RUNX3: variants seen among roughly 807,000 people sequenced by gnomAD.
RUNX3 encodes runt-related transcription factor 3.
RUNX3 carries 10 observed loss-of-function variants against 27.7 expected under a neutral mutation model. The ratio of observed to expected loss-of-function variants is 0.36; its 90% CI spans 0.22 to 0.61. The LOEUF (loss-of-function observed/expected upper bound fraction) is 0.61. Ranked by LOEUF, RUNX3 falls within the 20% of genes least tolerant of loss-of-function variation. The pLI, the probability that RUNX3 is intolerant of heterozygous loss-of-function variation, is 0.72. For synonymous variants in RUNX3, 270 were observed against 269.2 expected (o/e 1.00, Z -0.03); for missense variants, 469 against 629.5 (o/e 0.75, Z 2.73).
At chr1:24,929,269 G>A (rs1388247930) in intron 1 of RUNX3, 3 of 603,552 alleles carry the variant, frequency 5.0e-6, no homozygotes, top group African/African-American at 1.8e-5. Flanking sequence ...TTACCCGCAG[G>A]GCTGTATCTG....
At chr1:24,953,401 TG>T (rs1641826649) in intron 2 of RUNX3, among the ~76,000 whole-genome samples, 7 of 64,302 alleles carry the variant, frequency 1.1e-4, no homozygotes, top group South Asian at 4.7e-4. Context: ...AAAAGAAAAA[TG>T]AAAAAAAAAA....
chr1:24,949,793 G>A (rs182852479), intron 2 of RUNX3, among the ~76,000 whole-genome samples: 123 of 152,384 alleles, frequency 8.1e-4, no homozygotes, highest in East Asian at 1.2e-3. Flanking sequence ...TCTCTGGAGC[G>A]GGGGTTTGGC....
At chr1:24,944,741 G>C (rs1557855112) in intron 2 of RUNX3, among the ~76,000 whole-genome samples, 1 of 152,184 alleles carries the variant, frequency 6.6e-6, no homozygotes, top group Non-Finnish European at 1.5e-5. Context: ...TGGAGGAAGG[G>C]GCTATGAGCC....
intron 2 of RUNX3, among the ~76,000 whole-genome samples, chr1:24,921,300 G>C (rs147321773): frequency 2.0e-5 from 3 of 152,274 alleles, no homozygotes; most frequent in Non-Finnish European, 4.4e-5. Context: ...GGAGAATCCG[G>C]AACAAAATTA....
In RUNX3 at chr1:24,921,545, A is replaced by G. The variant is rs544762815; in HGVS notation, c.440-2201T>C. Among the ~76,000 whole-genome samples, 271 of 152,332 alleles carry G rather than the reference A, an allele frequency of 1.8e-3. 2 individuals are homozygous for G. The highest frequency in any genetic ancestry group is 6.4e-3 in the African/African-American group (266 of 41,584). On this transcript the variant is annotated intron_variant, in intron 2 of 4. Transcript: ENST00000308873. ...CTCCCACTCTCAGGTCACAGGGGCC[A>G]CTTTGTATGATTTCTGGAAGCAGAA...
Position 24,902,094 on chromosome 1 carries a change from C to T in RUNX3, c.*28G>A. On this transcript the variant is annotated 3_prime_UTR_variant, in exon 5 of 5. Transcript: ENST00000308873. The surrounding 1 kb of genome is among the most constrained non-coding windows in gnomAD (Gnocchi z 9.2). ...TCTTGAAGGTTGTTAGGGTCCCCGC[C>T]TCCAGCGGGAGGAGTCCACCAGGGC... 6.7e-7 allele frequency: 1 copy of T among 1,491,658 alleles called. No individual in the cohort carries two copies. Among genetic ancestry groups the T allele is most frequent in the Non-Finnish European group, 8.9e-7 (1 of 1,119,044 alleles). 92.4% of individuals were successfully genotyped at this position (1,491,658 alleles called of 1,614,324 possible).
intron 3 of RUNX3, among the ~76,000 whole-genome samples, chr1:24,910,879 G>T (rs947290984): frequency 6.6e-6 from 1 of 152,234 alleles, no homozygotes; most frequent in Non-Finnish European, 1.5e-5. Context: ...AGCTGGGGCT[G>T]CAAACTCAGA....
chr1:24,930,986 A>G (rs1024677643), upstream of RUNX3, among the ~76,000 whole-genome samples: 2 of 151,950 alleles, frequency 1.3e-5, no homozygotes, highest in Admixed American at 6.5e-5. The surrounding 1 kb of genome is among the most constrained non-coding windows in gnomAD (Gnocchi z 4.1). Context: ...CCCTCAAAAC[A>G]AGTTTCAGGA....
chr1:24,919,169 C>T, intron 3 of RUNX3, 71 bp downstream of exon 3: 2 of 937,872 alleles, frequency 2.1e-6, no homozygotes, highest in Non-Finnish European at 3.3e-6. Context: ...TCTGTCTGAC[C>T]TAGCTGCTGT....
At position 24,904,563 on chromosome 1, in the gene RUNX3, G is replaced by A. The variant is rs1012015299; in HGVS notation, c.704-1897C>T. Among the ~76,000 whole-genome samples the A allele has an allele frequency of 6.6e-6, 1 of 152,196 alleles. No homozygotes were observed. The highest frequency in any genetic ancestry group is 2.4e-5 in the African/African-American group (1 of 41,442). ...CTCGGGGGGAGAGGTCCTGTTGCAG[G>A]TGCTGGGCACGTCAGCACAGCTGAG... On this transcript the variant is annotated intron_variant, in intron 4 of 4. Transcript: ENST00000308873. The surrounding 1 kb of genome is among the most constrained non-coding windows in gnomAD (Gnocchi z 5.7).
Position 24,916,457 on chromosome 1 carries a change from C to A in RUNX3, c.544+2783G>T, listed in dbSNP as rs1640891330. ...TTGGGCAAAAGGTTTTGCGCCCTGG[C>A]CTCTATCCTCTCCTGGGGTTGCCCA... On this transcript the variant is annotated intron_variant, in intron 3 of 4. Transcript: ENST00000308873. This position sits in a 1 kb window ranked among gnomAD's most constrained non-coding sequence, Gnocchi z 4.8. Among the ~76,000 whole-genome samples, 2 of 152,190 alleles carry A rather than the reference C, an allele frequency of 1.3e-5. No homozygotes were observed. Among genetic ancestry groups the A allele is most frequent in the Admixed American group, 1.3e-4 (2 of 15,280 alleles).
At position 24,919,209 on chromosome 1, in the gene RUNX3, G is replaced by A. The variant is rs185077781; in HGVS notation, c.544+31C>T. The A allele has an allele frequency of 1.2e-4, 175 of 1,414,130 alleles. No individual in the cohort carries two copies. In the Middle Eastern group the frequency reaches 1.6e-3, roughly 13 times the overall value. The allele number at this position is 1,414,130 out of a possible 1,614,324, so 87.6% of individuals were successfully genotyped here. A position where few individuals can be genotyped will look rare whatever the true frequency, so the allele number is the denominator to read the frequency against. ...CCCGCACTGGACCCTCCTCCCCCGC[G>A]CAGGGGCTCAGGGGGCTCGGTGGCA... On this transcript the variant is annotated intron_variant, in intron 3 of 4. Transcript: ENST00000308873.
At chr1:24,950,558 G>C (rs189363208) in intron 2 of RUNX3, among the ~76,000 whole-genome samples, 2 of 152,308 alleles carry the variant, frequency 1.3e-5, no homozygotes, top group East Asian at 1.9e-4. Context: ...CACAGGAGGT[G>C]GGGGGGCCAG....
At chr1:24,937,033 G>T in intron 2 of RUNX3, among the ~76,000 whole-genome samples, 1 of 152,236 alleles carries the variant, frequency 6.6e-6, no homozygotes, top group East Asian at 1.9e-4. Flanking sequence ...ACGGAGGTGG[G>T]CAACAGTCGG....
intron 2 of RUNX3, among the ~76,000 whole-genome samples, chr1:24,940,334 G>A (rs1341600578): frequency 1.3e-5 from 2 of 152,174 alleles, no homozygotes; most frequent in Admixed American, 6.6e-5. Flanking sequence ...ATGAGAGAGC[G>A]ACTGCAGAGC....
intron 2 of RUNX3, among the ~76,000 whole-genome samples, chr1:24,956,462 G>C (rs760346029): frequency 6.6e-6 from 1 of 152,208 alleles, no homozygotes; most frequent in Non-Finnish European, 1.5e-5. Context: ...TGCTCTCAGA[G>C]GTGGCTTTCT....
chr1:24,930,116 C>T lies in RUNX3; in HGVS notation c.-248G>A, dbSNP rs1441685086. ...TAGTCCCGCATCCTCGGCGCGCGGC[C>T]CCGCGTGCGGCCGCCCCTCGTGGCT... On this transcript the variant is annotated 5_prime_UTR_variant, in exon 1 of 5. Coordinates refer to ENST00000308873, the MANE Select transcript of RUNX3 (RefSeq NM_004350.3). The surrounding 1 kb of genome is among the most constrained non-coding windows in gnomAD (Gnocchi z 4.1). 1.6e-5 allele frequency: 16 copies of T among 979,444 alleles called. No individual in the cohort carries two copies. The Middle Eastern group carries it at 2.1e-3, about 128-fold the overall frequency. The allele number at this position is 979,444 out of a possible 1,614,324, so 60.7% of individuals were successfully genotyped here.
At chr1:24,947,029 A>G (rs1180532997) in intron 2 of RUNX3, among the ~76,000 whole-genome samples, 2 of 152,166 alleles carry the variant, frequency 1.3e-5, no homozygotes, top group African/African-American at 4.8e-5. Flanking sequence ...GCCTGTGTAG[A>G]CATCATACTT....
At chr1:24,922,782 CA>C (rs57671911) in intron 2 of RUNX3, among the ~76,000 whole-genome samples, 1,205 of 21,558 alleles carry the variant, frequency 0.056, 2 homozygotes, top group African/African-American at 0.1. Context: ...GCCCACAGGG[CA>C]AAAAAAAAAA....
Sources: allele counts gnomAD v4.1 joint callset (sites outside exome capture counted in the v4.1 genomes callset), GRCh38; gene constraint gnomAD v4.1.1; non-coding constraint Gnocchi (gnomAD v3.1); transcripts MANE v1.5; gene names NCBI Gene and HGNC (gene_info 2026-07-23, HGNC 2026-07-21).